PPFIBP1: variants seen among roughly 807,000 people sequenced by gnomAD.
PPFIBP1 encodes the protein liprin-beta-1.
In PPFIBP1, 112 loss-of-function variants were observed where a neutral mutation model predicts 137.8. The ratio of observed to expected loss-of-function variants is 0.81; its 90% CI spans 0.70 to 0.95. PPFIBP1 has a LOEUF of 0.95. Ranked by LOEUF, PPFIBP1 falls within the 40% of genes least tolerant of loss-of-function variation. The pLI is 0.00. For synonymous variants in PPFIBP1, 378 were observed against 417.3 expected, an observed-to-expected ratio of 0.91 and a Z score of 1.15; for missense variants, 1,083 against 1,196.6, an observed-to-expected ratio of 0.91 and a Z score of 1.40.
At chr12:27,639,841 A>G (rs6487621) in intron 4 of PPFIBP1, among the ~76,000 whole-genome samples, 48,591 of 152,134 alleles carry the variant, frequency 0.32, 8,353 homozygotes, top group Middle Eastern at 0.39. Context: ...GCCACGGGAC[A>G]TGCTCTCTGC....
intron 1 of PPFIBP1, chr12:27,547,046 T>C (rs1302412477): frequency 1.3e-5 from 2 of 152,176 alleles, no homozygotes; most frequent in East Asian, 3.8e-4. Flanking sequence ...ATGAATAAAG[T>C]GTTCAGGACT....
At position 27,691,832 on chromosome 12, in the gene PPFIBP1, A is replaced by T. The variant is rs2061566193; in HGVS notation, c.2769A>T (p.Glu923Asp). 2 of 1,613,650 alleles carry T rather than the reference A, an allele frequency of 1.2e-6. No homozygotes were observed. The highest frequency in any genetic ancestry group is 2.2e-5 in the East Asian group (1 of 44,872). The change falls in exon 28 of 30, where the codon GAA becomes GAT. Residue 923 changes from glutamate (E) to aspartate (D), a missense_variant. Coordinates refer to ENST00000228425, the MANE Select transcript of PPFIBP1 (RefSeq NM_003622.4). ...EDGEEYVCPMELGQASGSASK... is the reference protein window; with the variant it reads ...EDGEEYVCPMDLGQASGSASK... ...GTGAAGAATATGTTTGTCCAATGGA[A>T]TTGGGACAGGCATCAGGAAGTGCAT...
intron 1 of PPFIBP1, among the ~76,000 whole-genome samples, chr12:27,569,186 G>A (rs1042243955): frequency 3.9e-5 from 6 of 152,070 alleles, no homozygotes; most frequent in South Asian, 2.1e-4. Context: ...TTTTTCTCCC[G>A]CTTTAAAGCC....
intron 2 of PPFIBP1, among the ~76,000 whole-genome samples, chr12:27,626,824 C>T (rs1342174137): frequency 6.6e-6 from 1 of 152,118 alleles, no homozygotes. Context: ...CCTCAGCTTC[C>T]CAAAGTGCTG....
chr12:27,611,732 C>A (rs910093302), intron 2 of PPFIBP1, among the ~76,000 whole-genome samples: 6 of 151,936 alleles, frequency 3.9e-5, no homozygotes, highest in African/African-American at 1.5e-4. Context: ...ATTTCTTTTT[C>A]CCAGATCCGA....
chr12:27,548,114 T>TG (rs1175847242), intron 1 of PPFIBP1: 4 of 152,208 alleles, frequency 2.6e-5, no homozygotes, highest in Non-Finnish European at 5.9e-5. Flanking sequence ...ATGAGATCCT[T>TG]GGATAATATG....
chr12:27,653,963 C>T (rs1361110447), intron 7 of PPFIBP1, among the ~76,000 whole-genome samples: 1 of 152,172 alleles, frequency 6.6e-6, no homozygotes, highest in Non-Finnish European at 1.5e-5. Context: ...TTACAGTAAA[C>T]TCAATCCCTG....
rs533941738 is a variant in PPFIBP1 at position 27,561,456 on chromosome 12, C to T, written c.-123-16696C>T. 8.5e-5 allele frequency among the ~76,000 whole-genome samples: 13 copies of T among 152,294 alleles called. No homozygotes were observed. In the South Asian group the frequency reaches 2.7e-3, roughly 32 times the overall value. On this transcript the variant is annotated intron_variant, in intron 1 of 29. Transcript: ENST00000228425. ...CTTTAGCTTAAAATAATCTTTATAA[C>T]AACTATGGAGTTCTGAGTGGGTCTC...
intron 6 of PPFIBP1, among the ~76,000 whole-genome samples, chr12:27,648,860 G>GT (rs2058705642): frequency 1.3e-5 from 2 of 152,068 alleles, no homozygotes; most frequent in Non-Finnish European, 2.9e-5. Context: ...TAGGGTAGTG[G>GT]GGATGAAGGG....
Position 27,643,449 on chromosome 12 carries a change from A to G in PPFIBP1, c.271-2613A>G, listed in dbSNP as rs1397389922. Among the ~76,000 whole-genome samples the G allele has an allele frequency of 5.3e-5, 7 of 132,846 alleles. 1 individual carries two copies. Among genetic ancestry groups the G allele is most frequent in the African/African-American group, 2.2e-4 (7 of 31,536 alleles). 87.2% of individuals were successfully genotyped at this position (132,846 alleles called of 152,430 possible). ...GTAATGCCTGCTGTAATGAAGGTTC[A>G]TGTAGATACTGTCGCTGGCATATAG... On this transcript the variant is annotated intron_variant, in intron 4 of 29. Transcript: ENST00000228425.
rs2052862568 is a variant in PPFIBP1 at position 27,593,942 on chromosome 12, G to T, written c.-36+15703G>T. On this transcript the variant is annotated intron_variant, in intron 2 of 29. Transcript: ENST00000228425. The stretch of plus-strand genomic sequence containing the variant: ...CCAGGAGGTTGTGTCCTCACAGGGG[G>T]TGTCCTCACAGGGGAAATAGCCCAC... 4.7e-6 allele frequency: 7 copies of T among 1,478,572 alleles called. No individual in the cohort carries two copies. In the East Asian group the frequency reaches 7.5e-5, roughly 16 times the overall value. 91.6% of individuals were successfully genotyped at this position (1,478,572 alleles called of 1,614,324 possible). A position where few individuals can be genotyped will look rare whatever the true frequency, so the allele number is the denominator to read the frequency against.
intron 19 of PPFIBP1, among the ~76,000 whole-genome samples, chr12:27,678,877 A>AAAAAAAAAAC (rs2060704099): frequency 2.6e-5 from 3 of 113,222 alleles, no homozygotes; most frequent in African/African-American, 9.5e-5. Context: ...AAAAAAAAAA[A>AAAAAAAAAAC]AAAACATTTA....
At chr12:27,650,227 T>C in intron 7 of PPFIBP1, 86 bp downstream of exon 7, 1 of 1,224,954 alleles carries the variant, frequency 8.2e-7, no homozygotes, top group South Asian at 2.1e-5. Flanking sequence ...TAGGGCAAAG[T>C]TGAAATTCCC....
chr12:27,676,803 C>A (rs1207553543), intron 18 of PPFIBP1: 2 of 702,162 alleles, frequency 2.8e-6, no homozygotes, highest in Non-Finnish European at 2.5e-6. Context: ...CCTGCTCTCT[C>A]CTGTGGTATA....
At chr12:27,653,625 G>A (rs2059019628) in intron 7 of PPFIBP1, among the ~76,000 whole-genome samples, 1 of 149,164 alleles carries the variant, frequency 6.7e-6, no homozygotes, top group African/African-American at 2.5e-5. Flanking sequence ...GGAGAGAGAA[G>A]CAAAAATATA....
At chr12:27,600,424 G>A (rs1353109270) in intron 2 of PPFIBP1, among the ~76,000 whole-genome samples, 5 of 144,068 alleles carry the variant, frequency 3.5e-5, no homozygotes, top group Admixed American at 7.3e-5. Flanking sequence ...CAACAAGAGC[G>A]AAACTCCGTC....
chr12:27,589,465 A>G (rs1035948933), intron 2 of PPFIBP1, among the ~76,000 whole-genome samples: 3 of 152,184 alleles, frequency 2.0e-5, no homozygotes, highest in Non-Finnish European at 2.9e-5. Context: ...TTGACACTAT[A>G]ATTAAGAGAT....
At chr12:27,592,875 C>A (rs1310203516) in intron 2 of PPFIBP1, 6 of 513,214 alleles carry the variant, frequency 1.2e-5, no homozygotes, top group Non-Finnish European at 2.1e-5. Context: ...TGCGATGGCT[C>A]ACACCTGTAG....
At chr12:27,635,383 C>T (rs2057583457) in intron 4 of PPFIBP1, 2 of 581,986 alleles carry the variant, frequency 3.4e-6, no homozygotes, top group Admixed American at 3.0e-5. Context: ...GAATGACCTA[C>T]TGTGGCTTAA....
Sources: gnomAD v4.1 joint callset for allele counts (sites outside exome capture counted in the v4.1 genomes callset) on GRCh38, gnomAD v4.1.1 for gene constraint, MANE v1.5 for transcripts, NCBI Gene and HGNC (gene_info 2026-07-23, HGNC 2026-07-21) for gene names.